Variants in SCGB3A2 observed in about 807,000 individuals in gnomAD.
The protein encoded by SCGB3A2 is secretoglobin family 3A member 2.
In SCGB3A2, 5 loss-of-function variants were observed where a neutral mutation model predicts 7.7. The ratio of observed to expected loss-of-function variants is 0.65; its 90% CI spans 0.34 to 1.36. SCGB3A2 has a LOEUF of 1.36. Ranked by LOEUF, SCGB3A2 falls within the 40% of genes most tolerant of loss-of-function variation. The probability of loss-of-function intolerance (pLI) is 0.04; values close to 1 mark genes in which losing one functional copy is unlikely to be tolerated. For missense variants in SCGB3A2, 109 were observed against 103.6 expected (o/e 1.05, Z -0.23); for synonymous variants, 44 against 42.7 (o/e 1.03, Z -0.12).
intron 1 of SCGB3A2, 120 bp downstream of exon 1, chr5:147,878,978 TTTTA>T (rs1757304020): frequency 1.4e-6 from 1 of 723,780 alleles, no homozygotes; most frequent in East Asian, 2.5e-5. Context: ...TTGTATTTTT[TTTTA>T]TTTTACTTTT....
rs150100560 is a variant in SCGB3A2, at chr5:147,881,582, G to T, written c.192G>T (p.Val64=). Residue 64 remains valine, a synonymous_variant, in exon 2 of 3, where the codon GTG becomes GTT. Coordinates refer to ENST00000296694, the MANE Select transcript of SCGB3A2 (RefSeq NM_054023.5). Reference sequence around the variant, plus strand: ...TGGGCATTTCTGTTGAGCACCTTGTGGAGGGGCTAAGGAAGTGTGTAAATG... The same window carrying T: ...TGGGCATTTCTGTTGAGCACCTTGTTGAGGGGCTAAGGAAGTGTGTAAATG... ...KTLGISVEHL[V]EGLRKCVNEL... 149 of 1,613,998 alleles carry T rather than the reference G, an allele frequency of 9.2e-5. No homozygotes were observed. In the African/African-American group the frequency reaches 1.7e-3, roughly 18 times the overall value.
At position 147,881,389 on chromosome 5, in the gene SCGB3A2, A is replaced by T; in HGVS notation, c.56-57A>T. ...TTGATGGACACAGGGAAAGAAGATG[A>T]GGTCATAGTCTGGGCCCAGATGTGC... On this transcript the variant is annotated intron_variant, in intron 1 of 2. Transcript: ENST00000296694. The T allele has an allele frequency of 2.3e-6, 3 of 1,287,606 alleles. No homozygotes were observed. In the South Asian group the frequency reaches 3.6e-5, roughly 15 times the overall value. The allele number at this position is 1,287,606 out of a possible 1,614,324, so 79.8% of individuals were successfully genotyped here. A position where few individuals can be genotyped will look rare whatever the true frequency, so the allele number is the denominator to read the frequency against.
Position 147,881,541 on chromosome 5 carries a change from C to G in SCGB3A2, c.151C>G (p.Leu51Val), listed in dbSNP as rs745415240. Residue 51 changes from leucine to valine, a missense_variant, in exon 2 of 3, where the codon CTT becomes GTT. Transcript: ENST00000296694. ...TCTTCCCTTTATGGATCCATTAAAGCTTCTTCTGAAAACTCTGGGCATTTC... is the reference window on the plus strand; with the variant it reads ...TCTTCCCTTTATGGATCCATTAAAGGTTCTTCTGAAAACTCTGGGCATTTC... ...NILPFMDPLK[L>V]LLKTLGISVE... 1.1e-5 allele frequency: 17 copies of G among 1,613,876 alleles called. No homozygotes were observed. Among genetic ancestry groups the G allele is most frequent in the Non-Finnish European group, 1.4e-5 (17 of 1,179,906 alleles).
Position 147,881,412 on chromosome 5 carries a change from T to C in SCGB3A2, c.56-34T>C, listed in dbSNP as rs147045939. 5,473 of 1,534,062 alleles carry C rather than the reference T, an allele frequency of 3.6e-3. 20 individuals carry two copies. Among genetic ancestry groups the C allele is most frequent in the Non-Finnish European group, 4.5e-3 (4,944 of 1,107,738 alleles). On this transcript the variant is annotated intron_variant, in intron 1 of 2. Transcript: ENST00000296694. ...TGAGGTCATAGTCTGGGCCCAGATG[T>C]GCCTGTCTCACCTGGTTTCTCTTTT...
rs138922986 is a variant in SCGB3A2 at position 147,882,066 on chromosome 5, C to G, written c.*16C>G. The G allele has an allele frequency of 8.1e-6, 13 of 1,613,334 alleles. No individual in the cohort carries two copies. Among genetic ancestry groups the G allele is most frequent in the Non-Finnish European group, 1.0e-5 (12 of 1,179,414 alleles). On this transcript the variant is annotated 3_prime_UTR_variant, in exon 3 of 3. Transcript: ENST00000296694. Reference sequence around the variant, plus strand: ...CTTGGTGTGACATCAAGATAAAGAGCGGAGGTGGATGGGGATGGAAGATGA... The same window carrying G: ...CTTGGTGTGACATCAAGATAAAGAGGGGAGGTGGATGGGGATGGAAGATGA...
At chr5:147,879,385 G>C (rs73794561) in intron 1 of SCGB3A2, among the ~76,000 whole-genome samples, 2 of 152,178 alleles carry the variant, frequency 1.3e-5, no homozygotes, top group African/African-American at 2.4e-5. Context: ...GCTACAATTT[G>C]TTGGGCACTG....
At chr5:147,881,139 CT>C (rs1371412793) in intron 1 of SCGB3A2, 9 of 304,476 alleles carry the variant, frequency 3.0e-5, no homozygotes, top group South Asian at 1.4e-4. Flanking sequence ...TGAAGAGTTG[CT>C]TTTTTTAGGT....
chr5:147,879,594 G>A (rs1757314068), intron 1 of SCGB3A2, among the ~76,000 whole-genome samples: 1 of 152,148 alleles, frequency 6.6e-6, no homozygotes, highest in East Asian at 1.9e-4. Context: ...TATAGAAGCT[G>A]GCTTCTTGGA....
At position 147,882,100 on chromosome 5, in the gene SCGB3A2, T is replaced by A; in HGVS notation, c.*50T>A. ...ATGGGGATGGAAGATGATGCTCCTA[T>A]CCTCCCTGCCTGAAACCTGTTCTAC... On this transcript the variant is annotated 3_prime_UTR_variant, in exon 3 of 3. Coordinates refer to ENST00000296694, the MANE Select transcript of SCGB3A2 (RefSeq NM_054023.5). 6.3e-7 allele frequency: 1 copy of A among 1,589,378 alleles called. No homozygotes were observed. Among genetic ancestry groups the A allele is most frequent in the Non-Finnish European group, 8.6e-7 (1 of 1,157,910 alleles).
At chr5:147,881,789 C>A in intron 2 of SCGB3A2, 141 bp downstream of exon 2, 1 of 793,372 alleles carries the variant, frequency 1.3e-6, no homozygotes, top group Non-Finnish European at 2.0e-6. Flanking sequence ...CCTGGAATCT[C>A]AGGAAAAATA....
chr5:147,881,343 A>T, intron 1 of SCGB3A2, 103 bp from the exon 2 acceptor site: 1 of 888,962 alleles, frequency 1.1e-6, no homozygotes, highest in Non-Finnish European at 1.8e-6. Flanking sequence ...AAGTAAGATG[A>T]GTGGATCTGG....
At position 147,878,933 on chromosome 5, in the gene SCGB3A2, C is replaced by T. The variant is rs75055284; in HGVS notation, c.55+75C>T. On this transcript the variant is annotated intron_variant, in intron 1 of 2. Transcript: ENST00000296694. ...GTTAATAAGAGCACAACTAGTAAGC[C>T]TTGCCTCACTGACAGTGGAATATGG... 791 of 998,536 alleles carry T rather than the reference C, an allele frequency of 7.9e-4. 4 individuals carry two copies. In the African/African-American group the frequency reaches 0.011, roughly 14 times the overall value. 61.9% of individuals were successfully genotyped at this position (998,536 alleles called of 1,614,324 possible).
chr5:147,880,058 C>G (rs1185029643), intron 1 of SCGB3A2, among the ~76,000 whole-genome samples: 1 of 151,322 alleles, frequency 6.6e-6, no homozygotes, highest in African/African-American at 2.5e-5. Flanking sequence ...ATACAGGCTC[C>G]ATTTTAATAA....
rs758419757 is a variant in SCGB3A2, at chr5:147,878,862, A to G, written c.55+4A>G. 4.4e-6 allele frequency: 7 copies of G among 1,598,738 alleles called. No homozygotes were observed. The African/African-American group carries it at 8.0e-5, about 18-fold the overall frequency. ...ATCAGCCTTTGTAGTTACTCTGGTAAGTAACTGGAATACATCTGGAATATG... is the reference window on the plus strand; with the variant it reads ...ATCAGCCTTTGTAGTTACTCTGGTAGGTAACTGGAATACATCTGGAATATG... On this transcript the variant is annotated splice_donor_region_variant and intron_variant, in intron 1 of 2. Coordinates refer to ENST00000296694, the MANE Select transcript of SCGB3A2 (RefSeq NM_054023.5).
In SCGB3A2 at chr5:147,881,456, C is replaced by T. The variant is rs1561625302; in HGVS notation, c.66C>T (p.Phe22=). ...CTCTTTTTCCTGCAGCTACTGCCTT[C>T]CTCATCAACAAAGTGCCCCTTCCTG... ...ISLCSYSATA[F]LINKVPLPVD... is the part of the protein sequence containing the mutation. The change falls in exon 2 of 3, where the codon TTC becomes TTT. Residue 22 remains phenylalanine (F), a synonymous_variant. Coordinates refer to ENST00000296694, the MANE Select transcript of SCGB3A2 (RefSeq NM_054023.5). 1.1e-5 allele frequency: 18 copies of T among 1,613,920 alleles called. No homozygotes were observed. The highest frequency in any genetic ancestry group is 1.4e-5 in the Non-Finnish European group (17 of 1,179,824).
At chr5:147,880,784 C>CTTTTTTTTTTTTT (rs1757335289) in intron 1 of SCGB3A2, 1 of 152,492 alleles carries the variant, frequency 6.6e-6, no homozygotes, top group Non-Finnish European at 1.5e-5. Flanking sequence ...GCATCCTTGT[C>CTTTTTTTTTTTTT]TTATTTGTCT....
At chr5:147,881,731 A>T (rs1460462387) in intron 2 of SCGB3A2, 83 bp downstream of exon 2, 1 of 1,074,146 alleles carries the variant, frequency 9.3e-7, no homozygotes, top group African/African-American at 1.6e-5. Flanking sequence ...GTCCCTTGTA[A>T]ATGTGCATTT....
intron 1 of SCGB3A2, among the ~76,000 whole-genome samples, chr5:147,880,259 G>A (rs900940056): frequency 2.6e-5 from 4 of 151,962 alleles, no homozygotes; most frequent in Non-Finnish European, 4.4e-5. Context: ...CATCTTCTAC[G>A]GGAAAGTTAT....
In SCGB3A2 at chr5:147,881,553, ACT is replaced by A. The variant is rs1234056199; in HGVS notation, c.166_167del (p.Leu56GlyfsTer5). ...FMDPLKLLLK[T>X]LGISVEHLVE... ...GGATCCATTAAAGCTTCTTCTGAAA[ACT>A]CTGGGCATTTCTGTTGAGCACCTTG... On this transcript the variant is annotated frameshift_variant, in exon 2 of 3. Transcript: ENST00000296694. LOFTEE classifies it high-confidence loss of function. The A allele has an allele frequency of 1.2e-6, 2 of 1,613,686 alleles. No individual in the cohort carries two copies. The highest frequency in any genetic ancestry group is 1.7e-6 in the Non-Finnish European group (2 of 1,179,916).
Sources: allele counts gnomAD v4.1 joint callset (sites outside exome capture counted in the v4.1 genomes callset), GRCh38; gene constraint gnomAD v4.1.1; transcripts MANE v1.5; gene names NCBI Gene and HGNC (gene_info 2026-07-23, HGNC 2026-07-21).